LRRC4C: variants seen among roughly 807,000 people sequenced by gnomAD.
The protein encoded by LRRC4C is leucine rich repeat containing 4C, also known as leucine-rich repeat-containing protein 4C.
In LRRC4C, 5 loss-of-function variants were observed where a neutral mutation model predicts 33.6. That is an observed-to-expected ratio of 0.15 (90% CI 0.08 to 0.31). LRRC4C has a LOEUF of 0.31. LRRC4C is among the 10% of genes least tolerant of loss of function. LRRC4C has a pLI of 1.00. For synonymous variants in LRRC4C, 329 were observed against 302.0 expected (o/e 1.09, Z -0.93); for missense variants, 560 against 796.7 (o/e 0.70, Z 3.58).
At chr11:40,984,416 A>C in intron 1 of LRRC4C, among the ~76,000 whole-genome samples, 1 of 76,342 alleles carries the variant, frequency 1.3e-5, no homozygotes, top group Admixed American at 1.2e-4. Context: ...AGAAAGAAAG[A>C]GAAAGAAAGA....
chr11:40,144,893 A>G lies in LRRC4C; in HGVS notation c.-95-4040T>C, dbSNP rs187032847. Among the ~76,000 whole-genome samples the G allele has an allele frequency of 2.6e-5, 4 of 152,320 alleles. No homozygotes were observed. In the East Asian group the frequency reaches 7.7e-4, roughly 29 times the overall value. On this transcript the variant is annotated intron_variant, in intron 5 of 6. Transcript: ENST00000528697. ...ATCCTTCCAGGTTGTTTACATTTAT[A>G]GAGACTCACTCTTCTGTGTTCCTTT...
intron 1 of LRRC4C, among the ~76,000 whole-genome samples, chr11:41,337,234 T>C (rs2958845): frequency 0.62 from 93,691 of 151,764 alleles, 29,801 homozygotes; most frequent in East Asian, 0.8. Flanking sequence ...AATTAAGAGA[T>C]AGGATCTTGC....
chr11:40,374,243 A>C (rs1948573979), intron 3 of LRRC4C, among the ~76,000 whole-genome samples: 1 of 152,158 alleles, frequency 6.6e-6, no homozygotes, highest in African/African-American at 2.4e-5. Flanking sequence ...TTGTGTCCGT[A>C]GTGGTGATGC....
intron 1 of LRRC4C, chr11:41,222,978 G>A (rs1407059592): frequency 2.0e-5 from 3 of 151,818 alleles, no homozygotes; most frequent in South Asian, 2.1e-4. Context: ...CATCAAATAC[G>A]GATAATGACA....
At chr11:41,168,900 T>G (rs1944848619) in intron 1 of LRRC4C, among the ~76,000 whole-genome samples, 1 of 152,168 alleles carries the variant, frequency 6.6e-6, no homozygotes, top group South Asian at 2.1e-4. Context: ...GAAGCAGATT[T>G]GAGACAGAAG....
At chr11:40,912,287 AG>A (rs1240956332) in intron 2 of LRRC4C, among the ~76,000 whole-genome samples, 1 of 152,112 alleles carries the variant, frequency 6.6e-6, no homozygotes, top group African/African-American at 2.4e-5. Context: ...TGTTAAGGGC[AG>A]CCAGAGAGAA....
rs1299015676 is a variant in LRRC4C, at chr11:40,672,092, G to A, written c.-406-23814C>T. On this transcript the variant is annotated intron_variant, in intron 2 of 6. Transcript: ENST00000528697. ...CTGCTATAACAAACTACCATAGACT[G>A]GGTGATTTATAAACTACAGAAATTG... Among the ~76,000 whole-genome samples the A allele has an allele frequency of 4.6e-5, 7 of 152,266 alleles. No individual in the cohort carries two copies. The East Asian group carries it at 1.2e-3, about 25-fold the overall frequency.
intron 1 of LRRC4C, among the ~76,000 whole-genome samples, chr11:41,207,861 G>A (rs1946662716): frequency 6.6e-6 from 1 of 152,174 alleles, no homozygotes; most frequent in Non-Finnish European, 1.5e-5. Flanking sequence ...ACTGTGAAGT[G>A]GGGTGCTGAT....
At chr11:41,415,430 T>A (rs1175778294) in intron 1 of LRRC4C, among the ~76,000 whole-genome samples, 1 of 152,130 alleles carries the variant, frequency 6.6e-6, no homozygotes, top group African/African-American at 2.4e-5. Context: ...TAGAAAGCAT[T>A]CTGAATTAGG....
At chr11:41,091,187 A>G (rs997161850) in intron 1 of LRRC4C, among the ~76,000 whole-genome samples, 2 of 151,806 alleles carry the variant, frequency 1.3e-5, no homozygotes, top group African/African-American at 4.8e-5. Flanking sequence ...ATAGTATTTC[A>G]TTATATTATT....
At chr11:41,206,864 C>T (rs556204523) in intron 1 of LRRC4C, among the ~76,000 whole-genome samples, 6 of 152,158 alleles carry the variant, frequency 3.9e-5, no homozygotes, top group African/African-American at 9.6e-5. Flanking sequence ...AGAATGTTAA[C>T]GTAATGTAAT....
chr11:40,480,871 T>A (rs796296648), intron 3 of LRRC4C, among the ~76,000 whole-genome samples: 34 of 151,972 alleles, frequency 2.2e-4, no homozygotes, highest in African/African-American at 7.5e-4. Flanking sequence ...AGATGGGGAA[T>A]CTAAAAAGGC....
chr11:40,696,651 G>A (rs919805682), intron 2 of LRRC4C, among the ~76,000 whole-genome samples: 3 of 148,314 alleles, frequency 2.0e-5, no homozygotes, highest in Admixed American at 6.8e-5. Flanking sequence ...CTGTTTTAAG[G>A]AGAAAACATA....
chr11:40,997,495 A>G (rs539615488), intron 1 of LRRC4C, among the ~76,000 whole-genome samples: 2 of 152,230 alleles, frequency 1.3e-5, no homozygotes, highest in Admixed American at 6.6e-5. Flanking sequence ...GAGGATTAAT[A>G]GGGATAGAAA....
Position 40,349,810 on chromosome 11 carries a change from T to G in LRRC4C, c.-269-30089A>C, listed in dbSNP as rs148092647. On this transcript the variant is annotated intron_variant, in intron 3 of 6. Transcript: ENST00000528697. ...CCTCATTGTAATTTCGATTTGCATT[T>G]CTCTGATGATCAATGATGTTAAGGA... Among the ~76,000 whole-genome samples the G allele has an allele frequency of 9.7e-3, 1,471 of 152,288 alleles. 24 individuals carry two copies. Among genetic ancestry groups the G allele is most frequent in the African/African-American group, 0.034 (1,421 of 41,564 alleles).
At chr11:40,330,979 C>T (rs1395183547) in intron 3 of LRRC4C, among the ~76,000 whole-genome samples, 1 of 152,152 alleles carries the variant, frequency 6.6e-6, no homozygotes, top group African/African-American at 2.4e-5. Context: ...TTCCCTTCCC[C>T]ATACCCTACC....
rs1016589932 is a variant in LRRC4C, at chr11:40,916,702, AT to A, written c.-407+16932del. ...CCCTAAAACTTAAAGTATAATAAAA[AT>A]AAATAAATAAAAATAAAAATAAAAA... On this transcript the variant is annotated intron_variant, in intron 2 of 6. Transcript: ENST00000528697. Among the ~76,000 whole-genome samples, 1,043 of 151,298 alleles carry A rather than the reference AT, an allele frequency of 6.9e-3. 5 individuals are homozygous for A. Among genetic ancestry groups the A allele is most frequent in the African/African-American group, 0.021 (871 of 41,390 alleles).
chr11:41,215,521 A>G (rs1947023497), intron 1 of LRRC4C, among the ~76,000 whole-genome samples: 1 of 150,864 alleles, frequency 6.6e-6, no homozygotes, highest in Admixed American at 6.6e-5. Context: ...TTCCATCCAC[A>G]TTGACGATGT....
intron 3 of LRRC4C, among the ~76,000 whole-genome samples, chr11:40,559,695 T>C (rs1957472340): frequency 6.6e-6 from 1 of 152,192 alleles, no homozygotes; most frequent in Non-Finnish European, 1.5e-5. Context: ...TTTTGACTTT[T>C]TAATAGGTTT....
Sources: allele counts gnomAD v4.1 joint callset (sites outside exome capture counted in the v4.1 genomes callset), GRCh38; gene constraint gnomAD v4.1.1; transcripts MANE v1.5; gene names NCBI Gene and HGNC (gene_info 2026-07-23, HGNC 2026-07-21).